PRKCQ: variants seen among roughly 807,000 people sequenced by gnomAD.
PRKCQ encodes the protein protein kinase C theta, also known as protein kinase C theta type.
A neutral mutation model predicts 91.2 loss-of-function variants in PRKCQ; 41 were observed. The observed-to-expected ratio is 0.45, with a 90% CI of 0.35 to 0.58. PRKCQ has a LOEUF of 0.58. Ranked by LOEUF, PRKCQ falls within the 20% of genes least tolerant of loss-of-function variation. PRKCQ has a pLI of 0.00. For missense variants in PRKCQ, 673 were observed against 896.5 expected, an observed-to-expected ratio of 0.75 and a Z score of 3.18; for synonymous variants, 307 against 316.9, an observed-to-expected ratio of 0.97 and a Z score of 0.33.
the PRKCQ span, among the ~76,000 whole-genome samples, chr10:6,408,985 T>G: frequency 2.0e-5 from 3 of 152,238 alleles, no homozygotes; most frequent in Non-Finnish European, 4.4e-5. Flanking sequence ...AGTTTACACT[T>G]TGATCAGCAG....
chr10:6,446,428 C>T lies in PRKCQ; in HGVS notation c.1648-4347G>A, dbSNP rs186274473. Among the ~76,000 whole-genome samples, 255 of 140,020 alleles carry T rather than the reference C, an allele frequency of 1.8e-3. 1 individual carries two copies. Among genetic ancestry groups the T allele is most frequent in the African/African-American group, 6.6e-3 (244 of 37,074 alleles). 91.9% of individuals were successfully genotyped at this position (140,020 alleles called of 152,430 possible). The stretch of plus-strand genomic sequence containing the variant: ...TTGGCCAGGCTGGAGTGCAGTGGCG[C>T]GATCTCAGCTCACTGCAACCTCCGC... On this transcript the variant is annotated intron_variant, in intron 15 of 17. Coordinates refer to ENST00000263125, the MANE Select transcript of PRKCQ (RefSeq NM_006257.5).
chr10:6,472,369 G>A (rs781484150), intron 12 of PRKCQ, among the ~76,000 whole-genome samples: 1 of 152,192 alleles, frequency 6.6e-6, no homozygotes, highest in Non-Finnish European at 1.5e-5. Flanking sequence ...CAGATGCACT[G>A]AGTGAGTGTC....
downstream of PRKCQ, among the ~76,000 whole-genome samples, chr10:6,425,310 C>T (rs780043204): frequency 4.0e-5 from 6 of 151,710 alleles, no homozygotes; most frequent in Admixed American, 6.6e-5. Flanking sequence ...CTGCGACCTC[C>T]GCCTCCCGAG....
rs1233233436 is a variant in PRKCQ at position 6,449,584 on chromosome 10, G to A, written c.1647+7090C>T. On this transcript the variant is annotated intron_variant, in intron 15 of 17. Transcript: ENST00000263125. ...TTCAGATTCAGGAAATACAGAGAAC[G>A]CCACAAAGATACTCCTCGAGAAGAG... Among the ~76,000 whole-genome samples, 14 of 151,802 alleles carry A rather than the reference G, an allele frequency of 9.2e-5. No homozygotes were observed. The South Asian group carries it at 1.0e-3, about 11-fold the overall frequency.
chr10:6,579,427 C>T (rs1267719499), intron 1 of PRKCQ, among the ~76,000 whole-genome samples: 2 of 152,118 alleles, frequency 1.3e-5, no homozygotes, highest in Admixed American at 6.5e-5. Flanking sequence ...CAGAAATGAC[C>T]GGAGTCTCCC....
At chr10:6,460,806 A>C (rs1835282566) in intron 14 of PRKCQ, among the ~76,000 whole-genome samples, 1 of 106,644 alleles carries the variant, frequency 9.4e-6, no homozygotes, top group Admixed American at 1.0e-4. Flanking sequence ...TCATTTATTT[A>C]TCTCCCCACC....
intron 1 of PRKCQ, among the ~76,000 whole-genome samples, chr10:6,527,384 A>G (rs570537496): frequency 2.0e-4 from 31 of 152,264 alleles, no homozygotes; most frequent in Middle Eastern, 3.4e-3. Flanking sequence ...GATGTTGGTT[A>G]TGAGGACAAC....
chr10:6,447,439 G>A (rs1028625612), intron 15 of PRKCQ, among the ~76,000 whole-genome samples: 17 of 150,620 alleles, frequency 1.1e-4, no homozygotes, highest in African/African-American at 1.7e-4. Context: ...ATATTTCCCT[G>A]TTTAACTGCC....
intron 11 of PRKCQ, among the ~76,000 whole-genome samples, chr10:6,479,375 T>C (rs146733776): frequency 5.9e-5 from 9 of 152,300 alleles, no homozygotes; most frequent in African/African-American, 2.2e-4. Context: ...ATCTTTGTAC[T>C]CTTTCCAAGG....
rs113200670 is a variant in PRKCQ at position 6,476,067 on chromosome 10, C to T, written c.1353+2925G>A. On this transcript the variant is annotated intron_variant, in intron 12 of 17. Coordinates refer to ENST00000263125, the MANE Select transcript of PRKCQ (RefSeq NM_006257.5). Reference sequence around the variant, plus strand: ...TATGCCTAGTGTTCCATTATTGGAACGCTAAGCATGTGGGAGTTATTTATA... The same window carrying T: ...TATGCCTAGTGTTCCATTATTGGAATGCTAAGCATGTGGGAGTTATTTATA... 6.0e-4 allele frequency among the ~76,000 whole-genome samples: 92 copies of T among 152,206 alleles called. 1 individual carries two copies. The highest frequency in any genetic ancestry group is 2.1e-3 in the African/African-American group (87 of 41,512).
chr10:6,464,187 C>T (rs1415429601), intron 13 of PRKCQ, 126 bp downstream of exon 13: 7 of 799,878 alleles, frequency 8.8e-6, no homozygotes, highest in South Asian at 3.1e-5. Context: ...TCGCCTTGCT[C>T]GATGTATTCC....
intron 1 of PRKCQ, among the ~76,000 whole-genome samples, chr10:6,539,633 T>G (rs1026108175): frequency 1.3e-5 from 2 of 152,078 alleles, no homozygotes; most frequent in Non-Finnish European, 2.9e-5. Context: ...ATAATAGAAA[T>G]AGAGTGGACA....
At chr10:6,503,825 A>T (rs1404547565) in intron 4 of PRKCQ, among the ~76,000 whole-genome samples, 4 of 152,180 alleles carry the variant, frequency 2.6e-5, no homozygotes, top group African/African-American at 9.7e-5. Flanking sequence ...TGCCCAGGCT[A>T]GAGTGCAGTG....
intron 7 of PRKCQ, among the ~76,000 whole-genome samples, chr10:6,495,436 T>C (rs569641705): frequency 6.6e-6 from 1 of 152,322 alleles, no homozygotes; most frequent in African/African-American, 2.4e-5. Context: ...TCCTTCCTCC[T>C]GCTCTTCACC....
At position 6,546,223 on chromosome 10, in the gene PRKCQ, T is replaced by C. The variant is rs192554866; in HGVS notation, c.-9-31079A>G. On this transcript the variant is annotated intron_variant, in intron 1 of 17. Transcript: ENST00000263125. ...TTTATTATTTTTGTTACCTGCCTCC[T>C]GTTTTTGTGTATCAATTAATAGTAA... Among the ~76,000 whole-genome samples, 4 of 152,272 alleles carry C rather than the reference T, an allele frequency of 2.6e-5. No homozygotes were observed. In the East Asian group the frequency reaches 7.7e-4, roughly 29 times the overall value.
chr10:6,531,691 C>A (rs1282254088), intron 1 of PRKCQ, among the ~76,000 whole-genome samples: 2 of 152,056 alleles, frequency 1.3e-5, no homozygotes. Context: ...TTAGGGACCA[C>A]ACGTGGCACA....
chr10:6,432,598 G>A (rs1263443804), intron 16 of PRKCQ, among the ~76,000 whole-genome samples: 1 of 152,136 alleles, frequency 6.6e-6, no homozygotes, highest in Non-Finnish European at 1.5e-5. Context: ...ACAGCTATCC[G>A]AGAGACTGAC....
intron 1 of PRKCQ, among the ~76,000 whole-genome samples, chr10:6,549,823 G>A (rs374963049): frequency 8.6e-5 from 13 of 151,800 alleles, no homozygotes; most frequent in East Asian, 1.9e-4. Context: ...TAGAGACAGC[G>A]CTCTCCCCAT....
intron 17 of PRKCQ, among the ~76,000 whole-genome samples, chr10:6,428,867 T>C (rs1231737063): frequency 6.6e-6 from 1 of 152,200 alleles, no homozygotes; most frequent in Non-Finnish European, 1.5e-5. Context: ...GTTAATTTTA[T>C]TAGTAAGTAT....
Sources: allele counts gnomAD v4.1 joint callset (sites outside exome capture counted in the v4.1 genomes callset), GRCh38; gene constraint gnomAD v4.1.1; transcripts MANE v1.5; gene names NCBI Gene and HGNC (gene_info 2026-07-23, HGNC 2026-07-21).